The following COL4A2 variants were observed in gnomAD, a reference collection of about 807,000 sequenced individuals.
The protein encoded by COL4A2 is collagen type IV alpha 2 chain.
Under a neutral mutation model 200.2 loss-of-function variants are expected in COL4A2, and 99 were observed. The ratio of observed to expected loss-of-function variants is 0.49; its 90% CI spans 0.42 to 0.58. The LOEUF is 0.58. COL4A2 is among the 20% of genes least tolerant of loss of function. The pLI is 0.00. For missense variants in COL4A2, 1,950 were observed against 2,314.1 expected, an observed-to-expected ratio of 0.84 and a Z score of 3.23; for synonymous variants, 897 against 900.6, an observed-to-expected ratio of 1.00 and a Z score of 0.07.
chr13:110,319,000 G>A (rs183042405), intron 3 of COL4A2, among the ~76,000 whole-genome samples: 20 of 152,152 alleles, frequency 1.3e-4, no homozygotes, highest in Admixed American at 3.9e-4. Context: ...CCATTCTCAC[G>A]TATTTCTTGG....
chr13:110,427,055 A>AATAAAAGTTCTACTTTTTTATTTT (rs1167178569), intron 6 of COL4A2, among the ~76,000 whole-genome samples: 9 of 152,266 alleles, frequency 5.9e-5, no homozygotes, highest in Non-Finnish European at 1.3e-4. Flanking sequence ...GAAATGTGCA[A>AATAAAAGTTCTACTTTTTTATTTT]ATAAAAGTTC....
At chr13:110,351,193 C>T (rs1301604468) in intron 3 of COL4A2, among the ~76,000 whole-genome samples, 5 of 151,796 alleles carry the variant, frequency 3.3e-5, no homozygotes, top group South Asian at 2.1e-4. Context: ...GGACCACAGG[C>T]GTGCACCACC....
Position 110,501,796 on chromosome 13 carries a change from T to C in COL4A2, c.3877+12T>C. 6.2e-7 allele frequency: 1 copy of C among 1,611,606 alleles called. No homozygotes were observed. The highest frequency in any genetic ancestry group is 8.5e-7 in the Non-Finnish European group (1 of 1,178,232). ...ATTTGGCCTGAAAGGTAAGCAGGAC[T>C]TATACATCTGTGCTTCGACATCTCT... is the stretch of plus-strand genomic sequence containing the variant. On this transcript the variant is annotated intron_variant, in intron 41 of 47. Transcript: ENST00000360467.
chr13:110,467,338 A>G (rs1240409736), intron 27 of COL4A2, among the ~76,000 whole-genome samples: 1 of 152,252 alleles, frequency 6.6e-6, no homozygotes, highest in Non-Finnish European at 1.5e-5. Context: ...AAATTCAGCC[A>G]TGGCTGCAGG....
intron 4 of COL4A2, among the ~76,000 whole-genome samples, chr13:110,386,448 CAGCCATCATTTCT>C (rs1878755194): frequency 6.6e-6 from 1 of 152,190 alleles, no homozygotes; most frequent in African/African-American, 2.4e-5. Context: ...ACTCCAATCT[CAGCCATCATTTCT>C]AGCCATGCAA....
intron 3 of COL4A2, among the ~76,000 whole-genome samples, chr13:110,317,369 CAT>C (rs1244860134): frequency 2.3e-4 from 35 of 152,112 alleles, no homozygotes; most frequent in Admixed American, 2.3e-3. Context: ...TGTACACACA[CAT>C]AAACACACAT....
intron 3 of COL4A2, among the ~76,000 whole-genome samples, chr13:110,322,190 G>T (rs1885293254): frequency 6.6e-6 from 1 of 152,240 alleles, no homozygotes. Context: ...CCAGATGAAG[G>T]AGCAGGGGGC....
intron 4 of COL4A2, among the ~76,000 whole-genome samples, chr13:110,387,076 A>G (rs1878783136): frequency 6.6e-6 from 1 of 152,136 alleles, no homozygotes; most frequent in African/African-American, 2.4e-5. Context: ...CGTCTCTACT[A>G]AAAATACAAA....
chr13:110,507,006 C>A (rs1020016166), intron 46 of COL4A2, among the ~76,000 whole-genome samples: 23 of 152,170 alleles, frequency 1.5e-4, no homozygotes, highest in African/African-American at 5.3e-4. Flanking sequence ...CCCATACAGC[C>A]CCCCGAGGAA....
In COL4A2 at chr13:110,355,431, T is replaced by C. The variant is rs377655592; in HGVS notation, c.100-2041T>C. Among the ~76,000 whole-genome samples the C allele has an allele frequency of 6.7e-3, 210 of 31,134 alleles. 2 individuals carry two copies. Among genetic ancestry groups the C allele is most frequent in the Middle Eastern group, 0.024 (1 of 42 alleles). 20.4% of individuals were successfully genotyped at this position (31,134 alleles called of 152,430 possible). On this transcript the variant is annotated intron_variant, in intron 3 of 47. Coordinates refer to ENST00000360467, the MANE Select transcript of COL4A2 (RefSeq NM_001846.4). ...CACCTGTGTGTGTGGGGGAGGGCTG[T>C]ACTAGCTCACCTGTGTGTGTGGGGG...
rs376782255 is a variant in COL4A2, at chr13:110,506,595, A to G, written c.4583A>G (p.Asn1528Ser). ...TTCGAGGGCCAGGAGAAGGCGCACA[A>G]CCAGGACCTGGGTAGGTACCTCCCA... ...LYFEGQEKAH[N>S]QDLGLAGSCL... The change falls in exon 46 of 48, where the codon AAC becomes AGC. Residue 1528 changes from asparagine to serine, a missense_variant. Coordinates refer to ENST00000360467, the MANE Select transcript of COL4A2 (RefSeq NM_001846.4). 3 of 1,610,738 alleles carry G rather than the reference A, an allele frequency of 1.9e-6. No homozygotes were observed. The highest frequency in any genetic ancestry group is 1.3e-5 in the African/African-American group (1 of 74,886).
intron 28 of COL4A2, among the ~76,000 whole-genome samples, chr13:110,470,795 A>G (rs1882441201): frequency 6.6e-6 from 1 of 152,190 alleles, no homozygotes; most frequent in South Asian, 2.1e-4. Flanking sequence ...TTAAGCCTCA[A>G]TGCAGAAGTG....
intron 6 of COL4A2, among the ~76,000 whole-genome samples, chr13:110,426,409 A>G (rs77627242): frequency 0.015 from 2,240 of 152,312 alleles, 56 homozygotes; most frequent in African/African-American, 0.051. Context: ...ACCATTTTCT[A>G]CTGAACCTGC....
chr13:110,459,374 T>A (rs1221076183), intron 22 of COL4A2: 1 of 156,972 alleles, frequency 6.4e-6, no homozygotes, highest in Non-Finnish European at 1.4e-5. Context: ...TACCACAGAA[T>A]AGCCCTGACC....
At chr13:110,434,950 G>A (rs56018014) in intron 12 of COL4A2, among the ~76,000 whole-genome samples, 12,281 of 152,228 alleles carry the variant, frequency 0.081, 787 homozygotes, top group African/African-American at 0.18. Context: ...GTGAGATCAC[G>A]TGCATGACAG....
intron 3 of COL4A2, among the ~76,000 whole-genome samples, chr13:110,344,378 G>C (rs923918659): frequency 6.6e-6 from 1 of 152,106 alleles, no homozygotes; most frequent in Non-Finnish European, 1.5e-5. Context: ...TTAGTTATTT[G>C]ACGACAACAT....
chr13:110,463,942 A>G (rs1882132586), intron 24 of COL4A2, among the ~76,000 whole-genome samples: 1 of 152,202 alleles, frequency 6.6e-6, no homozygotes, highest in African/African-American at 2.4e-5. Flanking sequence ...GTTAAATAAG[A>G]GGCAAAGTCA....
chr13:110,447,692 C>T (rs1242861843), intron 18 of COL4A2, among the ~76,000 whole-genome samples: 2 of 152,174 alleles, frequency 1.3e-5, no homozygotes, highest in Admixed American at 1.3e-4. Context: ...TGCTGTATTC[C>T]CAATGCCTGG....
chr13:110,472,307 A>G (rs375229972), intron 28 of COL4A2, among the ~76,000 whole-genome samples: 174 of 151,990 alleles, frequency 1.1e-3, no homozygotes, highest in South Asian at 4.4e-3. Flanking sequence ...AGTAGAGACG[A>G]GGTTTCACCG....
Sources: allele counts gnomAD v4.1 joint callset (sites outside exome capture counted in the v4.1 genomes callset), GRCh38; gene constraint gnomAD v4.1.1; transcripts MANE v1.5; gene names NCBI Gene and HGNC (gene_info 2026-07-23, HGNC 2026-07-21).